Variants in PARD3 observed in about 807,000 individuals in gnomAD.
The protein encoded by PARD3 is par-3 family cell polarity regulator.
A neutral mutation model predicts 155.4 loss-of-function variants in PARD3; 75 were observed. The ratio of observed to expected loss-of-function variants is 0.48; its 90% confidence interval spans 0.40 to 0.58. The LOEUF is 0.58. PARD3 is among the 20% of genes least tolerant of loss of function. PARD3 has a pLI of 0.00. For synonymous variants in PARD3, 576 were observed against 610.5 expected (o/e 0.94, Z 0.83); for missense variants, 1,642 against 1,721.7 (o/e 0.95, Z 0.82).
chr10:34,303,373 CAGAATCA>C (rs1484249554), intron 20 of PARD3, among the ~76,000 whole-genome samples: 2 of 151,092 alleles, frequency 1.3e-5, no homozygotes, highest in Non-Finnish European at 2.9e-5. Flanking sequence ...AAAATTGTTC[CAGAATCA>C]AGATATCCTG....
chr10:34,605,524 C>CTATA (rs200202280), intron 2 of PARD3, among the ~76,000 whole-genome samples: 2 of 40,404 alleles, frequency 4.9e-5, no homozygotes, highest in South Asian at 1.1e-3. Flanking sequence ...TATATATCTC[C>CTATA]TATATATATC....
At chr10:34,189,639 C>T (rs555735117) in intron 22 of PARD3, among the ~76,000 whole-genome samples, 5 of 152,310 alleles carry the variant, frequency 3.3e-5, no homozygotes, top group African/African-American at 9.6e-5. Flanking sequence ...AAGGCAAGTA[C>T]ATGTTTCCAT....
rs769603717 is a variant in PARD3, at chr10:34,450,376, G to A, written c.655C>T (p.Arg219Cys). 5.6e-6 allele frequency: 9 copies of A among 1,613,252 alleles called. No individual in the cohort carries two copies. Among genetic ancestry groups the A allele is most frequent in the Non-Finnish European group, 6.8e-6 (8 of 1,179,250 alleles). Reference sequence around the variant, plus strand: ...GGGTGACTGGCACTCAGAGACGAGCGAGCATTGTCTCTCTGAAATTGGTTA... The same window carrying A: ...GGGTGACTGGCACTCAGAGACGAGCAAGCATTGTCTCTCTGAAATTGGTTA... ...WSNQFQRDNARSSLSASHPMV... is the reference protein window; with the variant it reads ...WSNQFQRDNACSSLSASHPMV... Residue 219 changes from arginine (R) to cysteine (C), a missense_variant, in exon 5 of 25, where the codon CGC becomes TGC. Physicochemically the swap from Arg to Cys is radical, Grantham distance 180 (BLOSUM62 -3). Coordinates refer to ENST00000374788, the MANE Select transcript of PARD3 (RefSeq NM_001184785.2).
intron 22 of PARD3, among the ~76,000 whole-genome samples, chr10:34,220,585 A>G (rs969336353): frequency 2.6e-5 from 4 of 152,148 alleles, no homozygotes; most frequent in African/African-American, 9.7e-5. Context: ...CAAAGCTCTG[A>G]AACCACAATA....
At chr10:34,787,718 A>G (rs1841146841) in intron 1 of PARD3, among the ~76,000 whole-genome samples, 1 of 152,080 alleles carries the variant, frequency 6.6e-6, no homozygotes, top group African/African-American at 2.4e-5. Context: ...AGGCTAGGAG[A>G]AAATATATGA....
chr10:34,146,002 G>A (rs1948487735), intron 22 of PARD3, among the ~76,000 whole-genome samples: 1 of 152,168 alleles, frequency 6.6e-6, no homozygotes, highest in Admixed American at 6.5e-5. Flanking sequence ...GTCTTCCGAA[G>A]AGAATCTAGC....
At chr10:34,744,127 G>A (rs895211428) in intron 1 of PARD3, among the ~76,000 whole-genome samples, 2 of 152,096 alleles carry the variant, frequency 1.3e-5, no homozygotes, top group Non-Finnish European at 1.5e-5. Context: ...GCTCCTCACC[G>A]CCCATCTCCC....
intron 1 of PARD3, among the ~76,000 whole-genome samples, chr10:34,813,010 G>A (rs1381626635): frequency 2.0e-5 from 3 of 152,116 alleles, no homozygotes; most frequent in Non-Finnish European, 4.4e-5. Flanking sequence ...GGAGGACCCC[G>A]CAGCCTCTTG....
intron 1 of PARD3, among the ~76,000 whole-genome samples, chr10:34,784,261 C>A (rs774462567): frequency 6.6e-6 from 1 of 151,822 alleles, no homozygotes; most frequent in Non-Finnish European, 1.5e-5. Context: ...TATTCCAAGT[C>A]ATAAAATATA....
At chr10:34,629,680 G>C (rs908242973) in intron 2 of PARD3, among the ~76,000 whole-genome samples, 1 of 152,190 alleles carries the variant, frequency 6.6e-6, no homozygotes, top group Admixed American at 6.5e-5. Context: ...AGACCACCCA[G>C]TGGCTAAAAT....
chr10:34,552,949 C>T (rs974633374), intron 2 of PARD3, among the ~76,000 whole-genome samples: 2 of 152,170 alleles, frequency 1.3e-5, no homozygotes, highest in South Asian at 2.1e-4. Context: ...ACTGAAACTA[C>T]GTCAATGCCA....
rs528127839 is a variant in PARD3, at chr10:34,159,094, C to T, written c.3420-27511G>A. On this transcript the variant is annotated intron_variant, in intron 22 of 24. Coordinates refer to ENST00000374788, the MANE Select transcript of PARD3 (RefSeq NM_001184785.2). Reference sequence around the variant, plus strand: ...ATGAAATGTATTCACTGGTAATAAACAATTCCTTTCAACTAGAACTTCAGT... The same window carrying T: ...ATGAAATGTATTCACTGGTAATAAATAATTCCTTTCAACTAGAACTTCAGT... Among the ~76,000 whole-genome samples, 4 of 152,278 alleles carry T rather than the reference C, an allele frequency of 2.6e-5. No individual in the cohort carries two copies. In the South Asian group the frequency reaches 8.3e-4, roughly 32 times the overall value.
chr10:34,484,444 T>C (rs2079301623), intron 3 of PARD3, among the ~76,000 whole-genome samples: 1 of 152,240 alleles, frequency 6.6e-6, no homozygotes, highest in South Asian at 2.1e-4. Flanking sequence ...TTGTGCTTAT[T>C]TTCTTCATAG....
intron 1 of PARD3, among the ~76,000 whole-genome samples, chr10:34,703,949 T>A (rs1488665342): frequency 2.0e-5 from 3 of 152,192 alleles, no homozygotes; most frequent in African/African-American, 7.2e-5. Context: ...CATTACCCCT[T>A]TGTAAGTGGA....
At chr10:34,692,514 AG>A (rs2094085012) in intron 2 of PARD3, among the ~76,000 whole-genome samples, 1 of 152,242 alleles carries the variant, frequency 6.6e-6, no homozygotes, top group African/African-American at 2.4e-5. Flanking sequence ...CATCCAACAA[AG>A]GTTGAATATC....
At chr10:34,554,958 A>C (rs1049156555) in intron 2 of PARD3, among the ~76,000 whole-genome samples, 3 of 152,252 alleles carry the variant, frequency 2.0e-5, no homozygotes. Flanking sequence ...TTTTAGGTAC[A>C]GAAATTCAAG....
chr10:34,414,729 T>C (rs961086644), intron 5 of PARD3, among the ~76,000 whole-genome samples: 1 of 152,016 alleles, frequency 6.6e-6, no homozygotes, highest in Admixed American at 6.6e-5. Context: ...ACTCGAAACA[T>C]ACCCAAGGTG....
intron 22 of PARD3, among the ~76,000 whole-genome samples, chr10:34,233,583 A>G (rs754541541): frequency 1.3e-5 from 2 of 152,018 alleles, no homozygotes; most frequent in African/African-American, 4.8e-5. Flanking sequence ...AACACTTACA[A>G]TGCTCTAAGC....
chr10:34,444,555 TGAGATGACTCTGATGTAG>T (rs1456446392), intron 5 of PARD3, among the ~76,000 whole-genome samples: 1 of 152,188 alleles, frequency 6.6e-6, no homozygotes, highest in Non-Finnish European at 1.5e-5. Context: ...GCATAACTTG[TGAGATGACTCTGATGTAG>T]GATTCAGCTA....
Sources: allele counts gnomAD v4.1 joint callset (sites outside exome capture counted in the v4.1 genomes callset), GRCh38; gene constraint gnomAD v4.1.1; transcripts MANE v1.5; gene names NCBI Gene and HGNC (gene_info 2026-07-23, HGNC 2026-07-21).